TXNRD1: variants seen among roughly 807,000 people sequenced by gnomAD.
TXNRD1 encodes thioredoxin reductase 1, cytoplasmic.
A neutral mutation model predicts 80.3 loss-of-function variants in TXNRD1; 57 were observed. The observed-to-expected ratio is 0.71, with a 90% CI of 0.57 to 0.89. The LOEUF (loss-of-function observed/expected upper bound fraction) is 0.89. Ranked by LOEUF, TXNRD1 falls within the 40% of genes least tolerant of loss-of-function variation. The pLI is 0.00. For synonymous variants in TXNRD1, 291 were observed against 285.2 expected, an observed-to-expected ratio of 1.02 and a Z score of -0.20; for missense variants, 730 against 803.0, an observed-to-expected ratio of 0.91 and a Z score of 1.10.
intron 3 of TXNRD1, among the ~76,000 whole-genome samples, chr12:104,261,412 C>G (rs1489783618): frequency 6.6e-6 from 1 of 152,206 alleles, no homozygotes; most frequent in Non-Finnish European, 1.5e-5. Context: ...ATCCATCCAC[C>G]TCGGCCTCCC....
chr12:104,295,242 T>C (rs2034398702), intron 4 of TXNRD1, among the ~76,000 whole-genome samples: 1 of 152,230 alleles, frequency 6.6e-6, no homozygotes, highest in African/African-American at 2.4e-5. Context: ...TGTTCTTTAA[T>C]AGTAGCGTCA....
intron 16 of TXNRD1, among the ~76,000 whole-genome samples, chr12:104,342,180 C>G (rs1382525124): frequency 3.3e-5 from 5 of 152,136 alleles, no homozygotes; most frequent in Non-Finnish European, 7.4e-5. Flanking sequence ...CTCCTGCTCC[C>G]TCCCCAGATG....
At chr12:104,283,506 TC>T (rs1225712631) in intron 3 of TXNRD1, among the ~76,000 whole-genome samples, 2 of 151,244 alleles carry the variant, frequency 1.3e-5, no homozygotes, top group Non-Finnish European at 2.9e-5. Flanking sequence ...TGCCTCCGCC[TC>T]CCAAAGTGTT....
intron 3 of TXNRD1, among the ~76,000 whole-genome samples, chr12:104,282,683 T>A (rs1294577213): frequency 6.6e-6 from 1 of 152,146 alleles, no homozygotes; most frequent in Non-Finnish European, 1.5e-5. Flanking sequence ...TTGGGGCACA[T>A]GGGATCATGA....
At chr12:104,294,539 A>T (rs1045020504) in intron 4 of TXNRD1, among the ~76,000 whole-genome samples, 6 of 152,156 alleles carry the variant, frequency 3.9e-5, no homozygotes, top group Non-Finnish European at 8.8e-5. Flanking sequence ...ATTGCTACCA[A>T]CTAATGATTA....
At chr12:104,260,655 G>A (rs971343154) in intron 3 of TXNRD1, among the ~76,000 whole-genome samples, 3 of 152,032 alleles carry the variant, frequency 2.0e-5, no homozygotes, top group Admixed American at 6.6e-5. Flanking sequence ...GAAGGCTCTT[G>A]CCCCTAAATA....
chr12:104,233,417 A>G (rs946436178), intron 1 of TXNRD1, among the ~76,000 whole-genome samples: 4 of 152,250 alleles, frequency 2.6e-5, no homozygotes, highest in African/African-American at 7.2e-5. Flanking sequence ...TGATGCAAAC[A>G]ATTATATTGC....
chr12:104,255,023 TA>T (rs1404426141), intron 2 of TXNRD1, among the ~76,000 whole-genome samples: 2 of 151,940 alleles, frequency 1.3e-5, no homozygotes, highest in Non-Finnish European at 2.9e-5. Flanking sequence ...GAGAATCACT[TA>T]AAACTCAGGA....
chr12:104,291,278 G>A (rs573406351), intron 4 of TXNRD1, among the ~76,000 whole-genome samples: 6 of 128,946 alleles, frequency 4.7e-5, no homozygotes, highest in South Asian at 2.6e-4. Flanking sequence ...TTGGCTTACC[G>A]CAACCTCTAC....
chr12:104,257,573 AT>A (rs2033285475), intron 2 of TXNRD1, among the ~76,000 whole-genome samples: 1 of 151,788 alleles, frequency 6.6e-6, no homozygotes, highest in South Asian at 2.1e-4. Context: ...CGCCCGGCTA[AT>A]TTTTTTGTAT....
At chr12:104,298,334 GT>G (rs1319258797) in intron 4 of TXNRD1, among the ~76,000 whole-genome samples, 2 of 152,094 alleles carry the variant, frequency 1.3e-5, no homozygotes, top group Non-Finnish European at 2.9e-5. Context: ...GCCTTCGTAG[GT>G]TTTTAAAATT....
At chr12:104,253,352 G>A (rs2033172500) in intron 2 of TXNRD1, among the ~76,000 whole-genome samples, 1 of 151,190 alleles carries the variant, frequency 6.6e-6, no homozygotes, top group South Asian at 2.1e-4. Flanking sequence ...TTTCATGTAG[G>A]ACATCATATT....
intron 16 of TXNRD1, among the ~76,000 whole-genome samples, chr12:104,341,587 G>C (rs2036325224): frequency 1.3e-5 from 2 of 152,146 alleles, no homozygotes; most frequent in Admixed American, 1.3e-4. Context: ...GAGCACTTCT[G>C]ACCCCAGATT....
chr12:104,294,030 T>C (rs1345918612), intron 4 of TXNRD1, among the ~76,000 whole-genome samples: 1 of 152,158 alleles, frequency 6.6e-6, no homozygotes, highest in African/African-American at 2.4e-5. Context: ...ATTAGTATTT[T>C]CACTAATTTA....
intron 3 of TXNRD1, chr12:104,262,348 G>A (rs4964735): frequency 0.38 from 56,973 of 151,928 alleles, 11,512 homozygotes; most frequent in East Asian, 0.83. Flanking sequence ...CCAAGCATAG[G>A]AGGAACACCG....
chr12:104,321,999 T>C (rs1042399023), intron 10 of TXNRD1, among the ~76,000 whole-genome samples: 3 of 151,612 alleles, frequency 2.0e-5, no homozygotes, highest in African/African-American at 7.3e-5. Flanking sequence ...TAGTTGTCTT[T>C]TTTTTTTTTT....
intron 11 of TXNRD1, 66 bp downstream of exon 11, chr12:104,325,495 A>G (rs963198893): frequency 3.9e-5 from 46 of 1,176,210 alleles, no homozygotes; most frequent in Middle Eastern, 3.8e-4. Flanking sequence ...GGTATCTTAT[A>G]GGAACTTAAA....
At chr12:104,273,547 T>G (rs1298265464) in intron 3 of TXNRD1, among the ~76,000 whole-genome samples, 1 of 151,684 alleles carries the variant, frequency 6.6e-6, no homozygotes. Context: ...GAGCCGAGAT[T>G]GCGTCACTGC....
chr12:104,228,895 A>AT (rs1237073800), intron 1 of TXNRD1, among the ~76,000 whole-genome samples: 1 of 150,360 alleles, frequency 6.7e-6, no homozygotes, highest in Non-Finnish European at 1.5e-5. Context: ...AATTTTTGGT[A>AT]TTTTTAGTAG....
Sources: gnomAD v4.1 joint callset for allele counts (sites outside exome capture counted in the v4.1 genomes callset) on GRCh38, gnomAD v4.1.1 for gene constraint, MANE v1.5 for transcripts, NCBI Gene and HGNC (gene_info 2026-07-23, HGNC 2026-07-21) for gene names.